Variants in NXPE2 observed in about 807,000 individuals in gnomAD.
NXPE2 encodes NXPE family member 2.
In NXPE2, 34 loss-of-function variants were observed where a neutral mutation model predicts 34.4. The ratio of observed to expected loss-of-function variants is 0.99; its 90% CI spans 0.75 to 1.31. The LOEUF is 1.31. Among genes scored for constraint, NXPE2 ranks in the 40% most tolerant of loss-of-function variants. The pLI, the probability that NXPE2 is intolerant of heterozygous loss-of-function variation, is 0.00. For synonymous variants in NXPE2, 235 were observed against 231.3 expected, an observed-to-expected ratio of 1.02 and a Z score of -0.15; for missense variants, 649 against 672.5, an observed-to-expected ratio of 0.97 and a Z score of 0.39.
At chr11:114,633,401 T>C in the NXPE2 span, among the ~76,000 whole-genome samples, 1 of 145,496 alleles carries the variant, frequency 6.9e-6, no homozygotes, top group East Asian at 2.0e-4. Context: ...TATTATATAT[T>C]ATATTTTATT....
the NXPE2 span, among the ~76,000 whole-genome samples, chr11:114,786,355 A>ATCCC: frequency 7.9e-6 from 1 of 127,220 alleles, no homozygotes; most frequent in African/African-American, 2.9e-5. Flanking sequence ...AGATCTTTCT[A>ATCCC]CCCCCGCCCC....
chr11:114,713,787 C>A, the NXPE2 span, among the ~76,000 whole-genome samples: 1 of 152,156 alleles, frequency 6.6e-6, no homozygotes. Flanking sequence ...CATTCAAGTA[C>A]AAGTCTTGCT....
chr11:114,700,848 G>A (rs1240485154), intron 3 of NXPE2, among the ~76,000 whole-genome samples: 1 of 152,006 alleles, frequency 6.6e-6, no homozygotes, highest in African/African-American at 2.4e-5. Context: ...CATTTAAAGA[G>A]ACTTTGGTTC....
chr11:114,694,400 G>C (rs939867739), intron 2 of NXPE2, among the ~76,000 whole-genome samples: 2 of 152,156 alleles, frequency 1.3e-5, no homozygotes, highest in African/African-American at 4.8e-5. Context: ...TTAGCAATTT[G>C]AAAGTGATAT....
chr11:114,609,462 G>T, the NXPE2 span, among the ~76,000 whole-genome samples: 1 of 151,852 alleles, frequency 6.6e-6, no homozygotes, highest in Non-Finnish European at 1.5e-5. Flanking sequence ...TTACCCAATG[G>T]ATAATAAGTG....
At chr11:114,701,289 T>G (rs1422598753) in intron 3 of NXPE2, among the ~76,000 whole-genome samples, 1 of 152,160 alleles carries the variant, frequency 6.6e-6, no homozygotes, top group Non-Finnish European at 1.5e-5. Context: ...CCCTGTTGGC[T>G]ACAGCTGGAT....
the NXPE2 span, among the ~76,000 whole-genome samples, chr11:114,810,126 C>G: frequency 1.4e-5 from 2 of 145,086 alleles, no homozygotes; most frequent in East Asian, 2.1e-4. Flanking sequence ...GCTGGGAAAA[C>G]TGGCTAGCCA....
At chr11:114,588,953 C>G in the NXPE2 span, among the ~76,000 whole-genome samples, 1 of 152,050 alleles carries the variant, frequency 6.6e-6, no homozygotes, top group African/African-American at 2.4e-5. Flanking sequence ...CTGAGGGTGG[C>G]CACCTTAGTC....
the NXPE2 span, among the ~76,000 whole-genome samples, chr11:114,748,554 C>G: frequency 6.6e-6 from 1 of 152,180 alleles, no homozygotes; most frequent in East Asian, 1.9e-4. Flanking sequence ...CTTTTGAAGA[C>G]TACAGACCAG....
chr11:114,648,269 G>T, the NXPE2 span, among the ~76,000 whole-genome samples: 1 of 152,226 alleles, frequency 6.6e-6, no homozygotes, highest in Non-Finnish European at 1.5e-5. Flanking sequence ...ATGAGAACCA[G>T]GAGAGCCAAT....
At chr11:114,746,883 C>CA in the NXPE2 span, among the ~76,000 whole-genome samples, 5,179 of 126,548 alleles carry the variant, frequency 0.041, 267 homozygotes, top group African/African-American at 0.12. Context: ...AAGCCAAAAC[C>CA]AAAAAAAAAA....
the NXPE2 span, chr11:114,553,829 C>T: frequency 4.2e-6 from 4 of 963,718 alleles, no homozygotes; most frequent in Non-Finnish European, 4.9e-6. Flanking sequence ...TTCTTTCCAA[C>T]TGCTCATTCA....
chr11:114,614,315 A>C, the NXPE2 span, among the ~76,000 whole-genome samples: 1 of 146,332 alleles, frequency 6.8e-6, no homozygotes, highest in Non-Finnish European at 1.5e-5. Flanking sequence ...ATTGCCTCGT[A>C]GGTAACCACG....
chr11:114,739,313 TTCCTTCCTTCCTTCCTTCCTTCCTTCCC>T, the NXPE2 span, among the ~76,000 whole-genome samples: 10 of 50,690 alleles, frequency 2.0e-4, no homozygotes, highest in African/African-American at 3.3e-4. Context: ...CCTTCCTTCC[TTCCTTCCTTCCTTCCTTCCTTCCTTCCC>T]CCCTTCCTCT....
chr11:114,804,423 C>T, the NXPE2 span, among the ~76,000 whole-genome samples: 1 of 152,202 alleles, frequency 6.6e-6, no homozygotes, highest in East Asian at 1.9e-4. Context: ...CCTTGCCTAC[C>T]AAGAGGCTGA....
chr11:114,797,719 A>G, the NXPE2 span, among the ~76,000 whole-genome samples: 3 of 152,248 alleles, frequency 2.0e-5, no homozygotes, highest in African/African-American at 7.2e-5. Context: ...CAAGTGAGCC[A>G]TAAGACAGGG....
At chr11:114,475,486 C>T in the NXPE2 span, among the ~76,000 whole-genome samples, 2 of 152,050 alleles carry the variant, frequency 1.3e-5, no homozygotes, top group African/African-American at 4.8e-5. Flanking sequence ...TCTTGATCAC[C>T]TCGGCCTCCC....
chr11:114,692,500 T>C (rs958413232), intron 2 of NXPE2, among the ~76,000 whole-genome samples: 1 of 152,214 alleles, frequency 6.6e-6, no homozygotes, highest in Admixed American at 6.5e-5. Flanking sequence ...TGGGTTCCCT[T>C]TCTGGAGCAA....
chr11:114,802,313 G>A, the NXPE2 span, among the ~76,000 whole-genome samples: 1 of 152,182 alleles, frequency 6.6e-6, no homozygotes, highest in African/African-American at 2.4e-5. Flanking sequence ...AATTCCATCT[G>A]TAGTCTTCAT....
Sources: gnomAD v4.1 joint callset for allele counts (sites outside exome capture counted in the v4.1 genomes callset) on GRCh38, gnomAD v4.1.1 for gene constraint, MANE v1.5 for transcripts, NCBI Gene and HGNC (gene_info 2026-07-23, HGNC 2026-07-21) for gene names.